Variants in CNTNAP2 observed in about 807,000 individuals in gnomAD.
The protein encoded by CNTNAP2 is contactin-associated protein-like 2.
Under a neutral mutation model 155.2 loss-of-function variants are expected in CNTNAP2, and 98 were observed. That is an observed-to-expected ratio of 0.63 (90% CI 0.54 to 0.75). The LOEUF (loss-of-function observed/expected upper bound fraction) is 0.75. CNTNAP2 is among the 30% of genes least tolerant of loss of function. The pLI is 0.00. For missense variants in CNTNAP2, 1,727 were observed against 1,688.1 expected (o/e 1.02, Z -0.40); for synonymous variants, 651 against 631.2 (o/e 1.03, Z -0.47).
At chr7:147,517,313 T>C (rs1799145447) in intron 11 of CNTNAP2, among the ~76,000 whole-genome samples, 1 of 152,184 alleles carries the variant, frequency 6.6e-6, no homozygotes, top group South Asian at 2.1e-4. Flanking sequence ...GTTAGGGTCT[T>C]ATATGGCAAG....
In CNTNAP2 at chr7:146,466,986, A is replaced by G. The variant is rs1420824274; in HGVS notation, c.98-307285A>G. 2.6e-5 allele frequency among the ~76,000 whole-genome samples: 4 copies of G among 152,184 alleles called. No individual in the cohort carries two copies. The East Asian group carries it at 7.7e-4, about 29-fold the overall frequency. ...TTTTTATACATTCAAATTTATTTCAATGTACTTTTATCTTGTCCCTCTTTA... is the reference window on the plus strand; with the variant it reads ...TTTTTATACATTCAAATTTATTTCAGTGTACTTTTATCTTGTCCCTCTTTA... On this transcript the variant is annotated intron_variant, in intron 1 of 23. Transcript: ENST00000361727.
intron 8 of CNTNAP2, among the ~76,000 whole-genome samples, chr7:147,192,753 C>T (rs1233413581): frequency 6.6e-6 from 1 of 152,186 alleles, no homozygotes. Context: ...ACTGGTCATA[C>T]TCAGTGTCGT....
intron 3 of CNTNAP2, among the ~76,000 whole-genome samples, chr7:146,891,396 A>T (rs1231216000): frequency 6.6e-6 from 1 of 152,186 alleles, no homozygotes; most frequent in Non-Finnish European, 1.5e-5. Context: ...CCCCGAATGT[A>T]AAAGTTGAAA....
Position 147,805,711 on chromosome 7 carries a change from G to A in CNTNAP2, c.2099-97854G>A, listed in dbSNP as rs568671031. Among the ~76,000 whole-genome samples the A allele has an allele frequency of 4.6e-5, 7 of 152,228 alleles. No homozygotes were observed. In the South Asian group the frequency reaches 1.2e-3, roughly 27 times the overall value. ...TATGGTTTTTGTCCTTCATTCTATT[G>A]ATGTGATGTATCACTTTTACTGATT... On this transcript the variant is annotated intron_variant, in intron 13 of 23. Transcript: ENST00000361727.
rs569497508 is a variant in CNTNAP2 at position 146,795,273 on chromosome 7, G to A, written c.208+20892G>A. Reference sequence around the variant, plus strand: ...TTTAAACCATTCAGTTCTGTATATCGACATTTTGCCAACACTATGCTAATT... The same window carrying A: ...TTTAAACCATTCAGTTCTGTATATCAACATTTTGCCAACACTATGCTAATT... On this transcript the variant is annotated intron_variant, in intron 2 of 23. Coordinates refer to ENST00000361727, the MANE Select transcript of CNTNAP2 (RefSeq NM_014141.6). Among the ~76,000 whole-genome samples the A allele has an allele frequency of 4.1e-4, 62 of 152,176 alleles. 1 individual carries two copies. In the South Asian group the frequency reaches 0.011, roughly 28 times the overall value.
At chr7:148,278,957 G>A (rs567588211) in intron 21 of CNTNAP2, among the ~76,000 whole-genome samples, 18 of 152,270 alleles carry the variant, frequency 1.2e-4, no homozygotes, top group African/African-American at 4.3e-4. Context: ...GTGAGGTAGG[G>A]ACACGCCTGG....
At chr7:147,322,425 G>A (rs1449497207) in intron 9 of CNTNAP2, among the ~76,000 whole-genome samples, 3 of 152,124 alleles carry the variant, frequency 2.0e-5, no homozygotes, top group African/African-American at 7.2e-5. Context: ...TAATAAAGTG[G>A]CATTCAATAT....
chr7:147,595,446 A>G (rs894923498), intron 12 of CNTNAP2, among the ~76,000 whole-genome samples: 5 of 152,222 alleles, frequency 3.3e-5, no homozygotes, highest in Admixed American at 2.6e-4. Flanking sequence ...ACTCTATCCA[A>G]CATGTAACTC....
chr7:146,514,022 C>A (rs1017021744), intron 1 of CNTNAP2, among the ~76,000 whole-genome samples: 6 of 151,696 alleles, frequency 4.0e-5, no homozygotes, highest in African/African-American at 1.5e-4. Context: ...AACTTCAGTA[C>A]TTTTTATATA....
At chr7:148,187,518 C>T (rs960446640) in intron 18 of CNTNAP2, among the ~76,000 whole-genome samples, 45 of 152,176 alleles carry the variant, frequency 3.0e-4, no homozygotes, top group Non-Finnish European at 5.6e-4. Flanking sequence ...GTAAAACGAG[C>T]TTCTGATGAT....
At chr7:146,118,182 G>A (rs938492195) in intron 1 of CNTNAP2, among the ~76,000 whole-genome samples, 1 of 152,074 alleles carries the variant, frequency 6.6e-6, no homozygotes, top group African/African-American at 2.4e-5. Flanking sequence ...ATCCGGTTAT[G>A]AGCCAGTATT....
chr7:146,546,523 A>G lies in CNTNAP2; in HGVS notation c.98-227748A>G, dbSNP rs558848762. On this transcript the variant is annotated intron_variant, in intron 1 of 23. Coordinates refer to ENST00000361727, the MANE Select transcript of CNTNAP2 (RefSeq NM_014141.6). ...TGAGGAAATCAGTTTTCCTTGTAAT[A>G]GAGCTGCCTCCCCTTCTATTCTTTC... Among the ~76,000 whole-genome samples the G allele has an allele frequency of 3.9e-5, 6 of 152,008 alleles. No homozygotes were observed. In the East Asian group the frequency reaches 1.2e-3, roughly 30 times the overall value.
intron 3 of CNTNAP2, among the ~76,000 whole-genome samples, chr7:146,983,683 C>G (rs1003550338): frequency 2.6e-5 from 4 of 152,286 alleles, no homozygotes; most frequent in Admixed American, 6.5e-5. Flanking sequence ...AGTTGAAAAA[C>G]AAGTGTGCTG....
intron 9 of CNTNAP2, among the ~76,000 whole-genome samples, chr7:147,311,469 T>A (rs1384965465): frequency 6.6e-6 from 1 of 152,110 alleles, no homozygotes; most frequent in Non-Finnish European, 1.5e-5. Context: ...GGCCTGGCTC[T>A]CTTACTCCTG....
Position 147,368,020 on chromosome 7 carries a change from CCT to C in CNTNAP2, c.1499-27587_1499-27586del, listed in dbSNP as rs869266584. ...TCTCTCTGTCTCTCTCTCTCCCCCC[CCT>C]CCCCCTCCTCCTCTGTCCCCCTCCC... On this transcript the variant is annotated intron_variant, in intron 9 of 23. Transcript: ENST00000361727. 2.3e-3 allele frequency among the ~76,000 whole-genome samples: 197 copies of C among 87,260 alleles called. 5 individuals are homozygous for C. Among genetic ancestry groups the C allele is most frequent in the African/African-American group, 7.0e-3 (116 of 16,554 alleles). 57.2% of individuals were successfully genotyped at this position (87,260 alleles called of 152,430 possible). A position where few individuals can be genotyped will look rare whatever the true frequency, so the allele number is the denominator to read the frequency against.
At chr7:146,683,078 G>T (rs1800533325) in intron 1 of CNTNAP2, among the ~76,000 whole-genome samples, 1 of 152,044 alleles carries the variant, frequency 6.6e-6, no homozygotes, top group Admixed American at 6.6e-5. Context: ...CTGACACTGA[G>T]GCTGGAGTGC....
chr7:147,896,670 T>C (rs1799782307), intron 13 of CNTNAP2, among the ~76,000 whole-genome samples: 3 of 152,136 alleles, frequency 2.0e-5, no homozygotes, highest in African/African-American at 2.4e-5. Context: ...ACCCATCAAG[T>C]GCAGGGTCTG....
At chr7:148,379,091 G>A (rs1211604172) in intron 21 of CNTNAP2, among the ~76,000 whole-genome samples, 1 of 66,012 alleles carries the variant, frequency 1.5e-5, no homozygotes, top group Non-Finnish European at 4.2e-5. Flanking sequence ...TTCTATGAAG[G>A]GTGACTTCCA....
chr7:146,322,904 G>A (rs1366755819), intron 1 of CNTNAP2, among the ~76,000 whole-genome samples: 1 of 151,652 alleles, frequency 6.6e-6, no homozygotes, highest in Non-Finnish European at 1.5e-5. Context: ...TAGGAGAGAG[G>A]AGCTGATGAG....
Sources: allele counts gnomAD v4.1 joint callset (sites outside exome capture counted in the v4.1 genomes callset), GRCh38; gene constraint gnomAD v4.1.1; transcripts MANE v1.5; gene names NCBI Gene and HGNC (gene_info 2026-07-23, HGNC 2026-07-21).